ATP1A1: variants seen among roughly 807,000 people sequenced by gnomAD.
ATP1A1 encodes the protein ATPase Na+/K+ transporting subunit alpha 1, also known as sodium/potassium-transporting ATPase subunit alpha-1.
ATP1A1 carries 14 observed loss-of-function variants against 114.8 expected under a neutral mutation model. The ratio of observed to expected loss-of-function variants is 0.12; its 90% CI spans 0.08 to 0.19. The LOEUF is 0.19. Ranked by LOEUF, ATP1A1 falls within the 10% of genes least tolerant of loss-of-function variation. The pLI, the probability that ATP1A1 is intolerant of heterozygous loss-of-function variation, is 1.00. For synonymous variants in ATP1A1, 471 were observed against 466.3 expected, an observed-to-expected ratio of 1.01 and a Z score of -0.13; for missense variants, 524 against 1,290.7, an observed-to-expected ratio of 0.41 and a Z score of 9.10.
Position 116,393,636 on chromosome 1 carries a change from G to A in ATP1A1, c.1573G>A (p.Gly525Ser), listed in dbSNP as rs910066930. Residue 525 changes from glycine to serine, a missense_variant, in exon 12 of 23, where the codon GGC (glycine) becomes AGC (serine). Physicochemically the swap from Gly to Ser is moderately conservative, Grantham distance 56 (BLOSUM62 0). Around this residue, in one of 8 missense-constraint regions of ATP1A1, gnomAD observed 143 missense variants for 259.3 expected, o/e 0.55. Transcript: ENST00000295598. The surrounding 1 kb of genome is among the most constrained non-coding windows in gnomAD (Gnocchi z 5.0). Reference protein sequence around the residue: ...LDRCSSILLHGKEQPLDEELK... With the variant: ...LDRCSSILLHSKEQPLDEELK... Reference sequence around the variant, plus strand: ...CCGTTGCAGCTCTATCCTCCTCCACGGCAAGGAGCAGCCCCTGGATGAGGA... The same window carrying A: ...CCGTTGCAGCTCTATCCTCCTCCACAGCAAGGAGCAGCCCCTGGATGAGGA... 4 of 1,614,182 alleles carry A rather than the reference G, an allele frequency of 2.5e-6. No homozygotes were observed. The highest frequency in any genetic ancestry group is 3.4e-6 in the Non-Finnish European group (4 of 1,180,028).
At chr1:116,379,012 C>A (rs187452853) in intron 1 of ATP1A1, among the ~76,000 whole-genome samples, 2 of 152,280 alleles carry the variant, frequency 1.3e-5, no homozygotes, top group East Asian at 3.9e-4. Context: ...ACTGTAAAAG[C>A]AAAAATATAT....
rs1375947608 is a variant in ATP1A1, at chr1:116,387,080, G to A, written c.184-208G>A. On this transcript the variant is annotated intron_variant, in intron 3 of 22. Coordinates refer to ENST00000295598, the MANE Select transcript of ATP1A1 (RefSeq NM_000701.8). This position sits in a 1 kb window ranked among gnomAD's most constrained non-coding sequence, Gnocchi z 6.7. ...TTAATCTGGGTGTTATGAGTTCCTT[G>A]GGCCTATTGTTTGCCTGAACCCTGT... 6.6e-6 allele frequency among the ~76,000 whole-genome samples: 1 copy of A among 152,184 alleles called. No individual in the cohort carries two copies. Among genetic ancestry groups the A allele is most frequent in the Non-Finnish European group, 1.5e-5 (1 of 68,042 alleles).
In ATP1A1 at chr1:116,390,916, A is replaced by G. The variant is rs754918850; in HGVS notation, c.1332+25A>G. 20 of 1,586,088 alleles carry G rather than the reference A, an allele frequency of 1.3e-5. No homozygotes were observed. In the Middle Eastern group the frequency reaches 6.7e-4, roughly 53 times the overall value. On this transcript the variant is annotated intron_variant, in intron 10 of 22. Transcript: ENST00000295598. The stretch of plus-strand genomic sequence containing the variant: ...GGTATGCTCAAGAGTTAACTAATGG[A>G]GGGATGTAGACAGCACATGAGAACT...
In ATP1A1 at chr1:116,390,877, C is replaced by T; in HGVS notation, c.1318C>T (p.Leu440=). The change falls in exon 10 of 23, where the codon CTA becomes TTA. Residue 440 remains leucine, a synonymous_variant. Transcript: ENST00000295598. ...RAVFQANQEN[L]PILKRAVAGD... Reference sequence around the variant, plus strand: ...AGTGTTTCAGGCTAACCAGGAAAACCTACCTATTCTTAAGGTATGCTCAAG... The same window carrying T: ...AGTGTTTCAGGCTAACCAGGAAAACTTACCTATTCTTAAGGTATGCTCAAG... 6.2e-7 allele frequency: 1 copy of T among 1,613,692 alleles called. No individual in the cohort carries two copies. Among genetic ancestry groups the T allele is most frequent in the Non-Finnish European group, 8.5e-7 (1 of 1,179,596 alleles).
chr1:116,373,929 C>T, intron 1 of ATP1A1: 1 of 1,313,536 alleles, frequency 7.6e-7, no homozygotes, highest in East Asian at 3.1e-5. Context: ...TCCCTGCGAC[C>T]GCCGTCACCT....
intron 1 of ATP1A1, among the ~76,000 whole-genome samples, chr1:116,382,992 G>T (rs996853406): frequency 6.6e-6 from 1 of 152,188 alleles, no homozygotes; most frequent in South Asian, 2.1e-4. Context: ...CTTCTGCTCC[G>T]CTAAGCTTTG....
intron 1 of ATP1A1, chr1:116,374,379 AC>A: frequency 2.3e-6 from 3 of 1,285,666 alleles, no homozygotes; most frequent in Non-Finnish European, 2.2e-6. Flanking sequence ...GGATAGGCAG[AC>A]CCACCAGGGC....
In ATP1A1 at chr1:116,398,858, ACTT is replaced by A. The variant is rs1653154089; in HGVS notation, c.2294-68_2294-66del. On this transcript the variant is annotated intron_variant, in intron 16 of 22. Transcript: ENST00000295598. This position sits in a 1 kb window ranked among gnomAD's most constrained non-coding sequence, Gnocchi z 6.1. ...TGCCCATTAGCATCCATTTCTGTAT[ACTT>A]CTTGGATATGTTCAGTTTCCAGTGT... 3 of 1,609,898 alleles carry A rather than the reference ACTT, an allele frequency of 1.9e-6. No homozygotes were observed. The highest frequency in any genetic ancestry group is 2.7e-5 in the African/African-American group (2 of 74,904).
Position 116,389,835 on chromosome 1 carries a change from G to A in ATP1A1, c.1023+128G>A. ...GGATGTTTGATATAGTTCTTCTTGA[G>A]AGCCACATCACGTGGTGAATTTTGA... On this transcript the variant is annotated intron_variant, in intron 8 of 22. Coordinates refer to ENST00000295598, the MANE Select transcript of ATP1A1 (RefSeq NM_000701.8). The surrounding 1 kb of genome is among the most constrained non-coding windows in gnomAD (Gnocchi z 6.9). The A allele has an allele frequency of 7.5e-7, 1 of 1,340,192 alleles. No homozygotes were observed. The highest frequency in any genetic ancestry group is 1.0e-6 in the Non-Finnish European group (1 of 995,576). The allele number at this position is 1,340,192 out of a possible 1,614,324, so 83.0% of individuals were successfully genotyped here.
At position 116,401,219 on chromosome 1, in the gene ATP1A1, C is replaced by T; in HGVS notation, c.2808C>T (p.Ile936=). The T allele has an allele frequency of 6.2e-7, 1 of 1,614,218 alleles. No homozygotes were observed. The highest frequency in any genetic ancestry group is 8.5e-7 in the Non-Finnish European group (1 of 1,180,042). The change falls in exon 20 of 23, where the codon ATC becomes ATT. Residue 936 remains isoleucine (I), a synonymous_variant. Coordinates refer to ENST00000295598, the MANE Select transcript of ATP1A1 (RefSeq NM_000701.8). The surrounding 1 kb of genome is among the most constrained non-coding windows in gnomAD (Gnocchi z 4.7). ...TGGTGCAGTGGGCCGACTTGGTCATCTGTAAGACCAGGAGGAATTCGGTCT... is the reference window on the plus strand; with the variant it reads ...TGGTGCAGTGGGCCGACTTGGTCATTTGTAAGACCAGGAGGAATTCGGTCT... The part of the protein sequence containing the change: ...IVVVQWADLV[I]CKTRRNSVFQ...
In ATP1A1 at chr1:116,404,025, T is replaced by TA; in HGVS notation, c.3043+51dup. ...GTTGGAGGAGGAGTGGGAGGGGCTATAGTTCTATTGGTTTTTTGTTTCCCT... is the reference window on the plus strand; with the variant it reads ...GTTGGAGGAGGAGTGGGAGGGGCTATAAGTTCTATTGGTTTTTTGTTTCCCT... On this transcript the variant is annotated intron_variant, in intron 22 of 22. Transcript: ENST00000295598. The surrounding 1 kb of genome is among the most constrained non-coding windows in gnomAD (Gnocchi z 4.8). 6.4e-7 allele frequency: 1 copy of TA among 1,559,928 alleles called. No homozygotes were observed. The highest frequency in any genetic ancestry group is 8.8e-7 in the Non-Finnish European group (1 of 1,135,146).
Position 116,392,955 on chromosome 1 carries a change from C to T in ATP1A1, c.1434C>T (p.Val478=), listed in dbSNP as rs151274213. The change falls in exon 11 of 23, where the codon GTC becomes GTT. Residue 478 remains valine (V), a synonymous_variant. Transcript: ENST00000295598. ...KEMRERYAKI[V]EIPFNSTNKY... ...TGAGAGAAAGATACGCCAAAATCGT[C>T]GAGATACCCTTCAACTCCACCAACA... 41 of 1,614,050 alleles carry T rather than the reference C, an allele frequency of 2.5e-5. No homozygotes were observed. The highest frequency in any genetic ancestry group is 3.3e-5 in the Admixed American group (2 of 60,006).
At chr1:116,382,992 G>A (rs996853406) in intron 1 of ATP1A1, among the ~76,000 whole-genome samples, 8 of 152,306 alleles carry the variant, frequency 5.3e-5, no homozygotes, top group East Asian at 3.9e-4. Context: ...CTTCTGCTCC[G>A]CTAAGCTTTG....
At position 116,390,727 on chromosome 1, in the gene ATP1A1, A is replaced by G. The variant is rs556301480; in HGVS notation, c.1223-55A>G. 4 of 1,417,846 alleles carry G rather than the reference A, an allele frequency of 2.8e-6. No individual in the cohort carries two copies. The South Asian group carries it at 4.7e-5, about 17-fold the overall frequency. The allele number at this position is 1,417,846 out of a possible 1,614,324, so 87.8% of individuals were successfully genotyped here. ...GGACTTTAATAGGAGAACTGAGAAC[A>G]CAGCCTTTGAAGTTAATGCATTGTT... On this transcript the variant is annotated intron_variant, in intron 9 of 22. Transcript: ENST00000295598.
chr1:116,373,542 C>G lies in ATP1A1; in HGVS notation c.12+19C>G. On this transcript the variant is annotated intron_variant, in intron 1 of 22. Transcript: ENST00000295598. ...GAAGGGGGTGAGTGTCCGGCGCGCC[C>G]GGGGAGGGGGCTCGGGGAGCCCTCG... The G allele has an allele frequency of 2.8e-6, 4 of 1,447,674 alleles. No homozygotes were observed. The highest frequency in any genetic ancestry group is 3.6e-6 in the Non-Finnish European group (4 of 1,101,900). 89.7% of individuals were successfully genotyped at this position (1,447,674 alleles called of 1,614,324 possible).
intron 1 of ATP1A1, among the ~76,000 whole-genome samples, chr1:116,380,360 T>C (rs1651662645): frequency 6.6e-6 from 1 of 152,216 alleles, no homozygotes; most frequent in Admixed American, 6.5e-5. Flanking sequence ...AGCTCCCTGC[T>C]GGCCATGGGA....
At position 116,392,776 on chromosome 1, in the gene ATP1A1, A is replaced by T. The variant is rs1340467882; in HGVS notation, c.1333-78A>T. ...TCTGACAAGATTGGAATGTGTCTTG[A>T]GTTATTTTTCCTGTTTTTTAGTGAT... On this transcript the variant is annotated intron_variant, in intron 10 of 22. Transcript: ENST00000295598. 2.6e-6 allele frequency: 4 copies of T among 1,524,904 alleles called. No individual in the cohort carries two copies. The Admixed American group carries it at 7.4e-5, about 28-fold the overall frequency. 94.5% of individuals were successfully genotyped at this position (1,524,904 alleles called of 1,614,324 possible).
At position 116,389,883 on chromosome 1, in the gene ATP1A1, G is replaced by T; in HGVS notation, c.1023+176G>T. On this transcript the variant is annotated intron_variant, in intron 8 of 22. Transcript: ENST00000295598. The surrounding 1 kb of genome is among the most constrained non-coding windows in gnomAD (Gnocchi z 6.9). ...TGACAGTGAGAAAACCTCAGCATTT[G>T]TTTATACGTAAGATAACCCCAAAGC... is the stretch of plus-strand genomic sequence containing the variant. The T allele has an allele frequency of 1.0e-6, 1 of 988,010 alleles. No individual in the cohort carries two copies. The highest frequency in any genetic ancestry group is 1.5e-6 in the Non-Finnish European group (1 of 687,832). 61.2% of individuals were successfully genotyped at this position (988,010 alleles called of 1,614,324 possible). A position where few individuals can be genotyped will look rare whatever the true frequency, so the allele number is the denominator to read the frequency against.
rs1652292049 is a variant in ATP1A1, at chr1:116,389,290, C to G, written c.755-149C>G. 2.8e-6 allele frequency: 3 copies of G among 1,053,904 alleles called. No individual in the cohort carries two copies. The highest frequency in any genetic ancestry group is 3.2e-5 in the African/African-American group (2 of 62,722). The allele number at this position is 1,053,904 out of a possible 1,614,324, so 65.3% of individuals were successfully genotyped here. ...ACTGGAGAGAAGTCCCTTTGCCAAA[C>G]AGCATGTACAGCCAAAGAGCTGGCC... On this transcript the variant is annotated intron_variant, in intron 7 of 22. Coordinates refer to ENST00000295598, the MANE Select transcript of ATP1A1 (RefSeq NM_000701.8). This position sits in a 1 kb window ranked among gnomAD's most constrained non-coding sequence, Gnocchi z 6.9.
Sources: gnomAD v4.1 joint callset for allele counts (sites outside exome capture counted in the v4.1 genomes callset) on GRCh38, gnomAD v4.1.1 for gene constraint, gnomAD v4.1.1 regional missense constraint, Gnocchi (gnomAD v3.1) non-coding constraint, MANE v1.5 for transcripts, NCBI Gene and HGNC (gene_info 2026-07-23, HGNC 2026-07-21) for gene names.